Variants in DNAH8 observed in about 807,000 individuals in gnomAD.
DNAH8 encodes dynein axonemal heavy chain 8.
In DNAH8, 382 loss-of-function variants were observed where a neutral mutation model predicts 562.1. The ratio of observed to expected loss-of-function variants is 0.68; its 90% CI spans 0.63 to 0.74. The LOEUF is 0.74. Ranked by LOEUF, DNAH8 falls within the 30% of genes least tolerant of loss-of-function variation. The pLI, the probability that DNAH8 is intolerant of heterozygous loss-of-function variation, is 0.00. For synonymous variants in DNAH8, 1,881 were observed against 1,919.4 expected, an observed-to-expected ratio of 0.98 and a Z score of 0.52; for missense variants, 5,203 against 5,620.4, an observed-to-expected ratio of 0.93 and a Z score of 2.37.
rs200737379 is a variant in DNAH8, at chr6:38,780,009, C to G, written c.2083C>G (p.His695Asp). ...TCCCTGTCTGGGATTAGAAATAAACCACACAATAGAGCGTATTCTTCAGTA... is the reference window on the plus strand; with the variant it reads ...TCCCTGTCTGGGATTAGAAATAAACGACACAATAGAGCGTATTCTTCAGTA... Reference protein sequence around the residue: ...NIPCLGLEINHTIERILQYYV... With the variant: ...NIPCLGLEINDTIERILQYYV... Residue 695 changes from histidine to aspartate, a missense_variant, in exon 15 of 93, where the codon CAC (histidine) becomes GAC (aspartate). His to Asp is a moderately conservative substitution (Grantham distance 81). Around this residue, in one of 6 missense-constraint regions of DNAH8, gnomAD observed 2,176 missense variants for 2,365.1 expected, o/e 0.92. Transcript: ENST00000327475. The G allele has an allele frequency of 1.1e-4, 174 of 1,613,840 alleles. No homozygotes were observed. Among genetic ancestry groups the G allele is most frequent in the Non-Finnish European group, 1.4e-4 (171 of 1,179,964 alleles).
intron 53 of DNAH8, among the ~76,000 whole-genome samples, chr6:38,880,814 A>G (rs1346704506): frequency 6.6e-6 from 1 of 152,162 alleles, no homozygotes; most frequent in Non-Finnish European, 1.5e-5. Flanking sequence ...GATCACTTGA[A>G]GTCAGCACTT....
intron 49 of DNAH8, among the ~76,000 whole-genome samples, chr6:38,871,062 C>G (rs998390803): frequency 6.6e-6 from 1 of 152,216 alleles, no homozygotes; most frequent in African/African-American, 2.4e-5. Flanking sequence ...TGACAACCAT[C>G]TAACCACTTG....
At chr6:38,836,834 T>C (rs1339336691) in intron 32 of DNAH8, among the ~76,000 whole-genome samples, 1 of 152,130 alleles carries the variant, frequency 6.6e-6, no homozygotes, top group African/African-American at 2.4e-5. Context: ...ACAAAGCTGA[T>C]ACTTTATTCC....
In DNAH8 at chr6:38,873,128, G is replaced by T; in HGVS notation, c.7460G>T (p.Ser2487Ile). The T allele has an allele frequency of 6.2e-7, 1 of 1,613,520 alleles. No individual in the cohort carries two copies. Among genetic ancestry groups the T allele is most frequent in the Non-Finnish European group, 8.5e-7 (1 of 1,179,954 alleles). Reference protein sequence around the residue: ...GMVYISSSALSWRPILQAWLK... With the variant: ...GMVYISSSALIWRPILQAWLK... Reference sequence around the variant, plus strand: ...GTCTATATCAGCAGCTCTGCTCTCAGCTGGAGGCCAATCTTACAGGTGGGG... The same window carrying T: ...GTCTATATCAGCAGCTCTGCTCTCATCTGGAGGCCAATCTTACAGGTGGGG... The change falls in exon 51 of 93, where the codon AGC becomes ATC. Residue 2487 changes from serine (S) to isoleucine (I), a missense_variant. Ser to Ile is a moderately radical substitution (Grantham distance 142). Around this residue, in one of 6 missense-constraint regions of DNAH8, gnomAD observed 977 missense variants for 1,061.8 expected, o/e 0.92. Coordinates refer to ENST00000327475, the MANE Select transcript of DNAH8 (RefSeq NM_001206927.2).
chr6:38,724,715 G>A (rs540586002), intron 3 of DNAH8, among the ~76,000 whole-genome samples: 4 of 152,200 alleles, frequency 2.6e-5, no homozygotes, highest in South Asian at 2.1e-4. Flanking sequence ...CTTCCCTCGC[G>A]ATAGCTCTGG....
chr6:38,997,085 C>T (rs980692346), intron 88 of DNAH8, among the ~76,000 whole-genome samples: 1 of 152,052 alleles, frequency 6.6e-6, no homozygotes, highest in Non-Finnish European at 1.5e-5. Context: ...CTCTCTCACC[C>T]ACCCCTGATC....
chr6:38,877,441 A>G (rs980110945), intron 53 of DNAH8, among the ~76,000 whole-genome samples: 11 of 152,354 alleles, frequency 7.2e-5, no homozygotes, highest in African/African-American at 2.2e-4. Flanking sequence ...AAAGGTTGAC[A>G]ACAATCTAGA....
At chr6:38,717,084 C>A (rs144486700) in intron 1 of DNAH8, among the ~76,000 whole-genome samples, 63 of 152,258 alleles carry the variant, frequency 4.1e-4, no homozygotes, top group Admixed American at 2.5e-3. Flanking sequence ...TGATTGTGTA[C>A]GCCTTTAGTC....
intron 91 of DNAH8, among the ~76,000 whole-genome samples, chr6:39,025,212 G>A (rs1767194295): frequency 6.6e-6 from 1 of 152,184 alleles, no homozygotes; most frequent in Non-Finnish European, 1.5e-5. Flanking sequence ...CTCCTATGTA[G>A]CTCTCAAGAG....
rs1782106382 is a variant in DNAH8 at position 38,926,196 on chromosome 6, G to T, written c.11104G>T (p.Glu3702Ter). 6.2e-7 allele frequency: 1 copy of T among 1,613,418 alleles called. No homozygotes were observed. The highest frequency in any genetic ancestry group is 8.5e-7 in the Non-Finnish European group (1 of 1,179,634). Residue 3702 changes from glutamate to a stop codon, truncating the protein, a stop_gained, in exon 74 of 93, where the codon GAA (glutamate) becomes TAA (stop). Coordinates refer to ENST00000327475, the MANE Select transcript of DNAH8 (RefSeq NM_001206927.2). LOFTEE classifies it high-confidence loss of function. The stretch of plus-strand genomic sequence containing the variant: ...AACTTGGATTAAATCAAAGGAAAAA[G>T]AAAATGATTTACAGGTATGTAGCAT... ...GKTWIKSKEK[E>*]NDLQVTSLNH... is the part of the protein sequence containing the mutation.
intron 22 of DNAH8, among the ~76,000 whole-genome samples, 183 bp downstream of exon 22, chr6:38,803,494 C>T (rs143417024): frequency 1.8e-4 from 27 of 152,142 alleles, no homozygotes; most frequent in East Asian, 1.4e-3. Context: ...TTTGTTAGTT[C>T]GGGAATGGTG....
chr6:38,719,809 A>C (rs576486153), intron 1 of DNAH8, among the ~76,000 whole-genome samples: 27 of 152,298 alleles, frequency 1.8e-4, no homozygotes, highest in African/African-American at 5.5e-4. Context: ...GAATGGGCTA[A>C]CCATTAAGCT....
chr6:38,828,287 CTG>C lies in DNAH8; in HGVS notation c.4188+1_4188+2del. ...TCTTTCAACAAATTGCAGAGCAAAG[CTG>C]TAAGTATGAATTTAACTACATTATT... On this transcript the variant is annotated splice_donor_variant and coding_sequence_variant, in exon 30 of 93. Coordinates refer to ENST00000327475, the MANE Select transcript of DNAH8 (RefSeq NM_001206927.2). LOFTEE classifies it high-confidence loss of function. 2 of 1,533,744 alleles carry C rather than the reference CTG, an allele frequency of 1.3e-6. No individual in the cohort carries two copies. Among genetic ancestry groups the C allele is most frequent in the Non-Finnish European group, 1.8e-6 (2 of 1,132,274 alleles).
intron 88 of DNAH8, among the ~76,000 whole-genome samples, chr6:38,997,070 G>A (rs1765183012): frequency 6.6e-6 from 1 of 152,042 alleles, no homozygotes; most frequent in African/African-American, 2.4e-5. Flanking sequence ...GGTCTGCCTT[G>A]GGGTCTCTCT....
At chr6:39,012,066 A>G (rs1766247630) in intron 89 of DNAH8, 149 bp from the exon 90 acceptor site, 1 of 504,138 alleles carries the variant, frequency 2.0e-6, no homozygotes, top group Non-Finnish European at 3.4e-6. Flanking sequence ...TTTAATGGCA[A>G]GTTTGGTTCT....
chr6:38,938,002 T>G lies in DNAH8; in HGVS notation c.11592T>G (p.Ile3864Met). 6.2e-7 allele frequency: 1 copy of G among 1,614,034 alleles called. No individual in the cohort carries two copies. Among genetic ancestry groups the G allele is most frequent in the Non-Finnish European group, 8.5e-7 (1 of 1,179,994 alleles). The change falls in exon 78 of 93, where the codon ATT (isoleucine) becomes ATG (methionine). Residue 3864 changes from isoleucine to methionine, a missense_variant. Ile to Met is a conservative substitution (Grantham distance 10). This residue lies in a region of DNAH8 where 1,399 missense variants were observed against 1,518.4 expected (regional missense o/e 0.92). Coordinates refer to ENST00000327475, the MANE Select transcript of DNAH8 (RefSeq NM_001206927.2). ...KGSLVDDESL[I>M]GVLRTTKQTA... ...CATTGGTAGATGACGAATCTCTCATTGGTGTACTTCGAACTACCAAGCAGA... is the reference window on the plus strand; with the variant it reads ...CATTGGTAGATGACGAATCTCTCATGGGTGTACTTCGAACTACCAAGCAGA...
chr6:38,886,851 C>A lies in DNAH8; in HGVS notation c.8320C>A (p.Pro2774Thr), dbSNP rs144296783. The A allele has an allele frequency of 6.2e-7, 1 of 1,614,068 alleles. No homozygotes were observed. The highest frequency in any genetic ancestry group is 1.1e-5 in the South Asian group (1 of 91,086). ...EMEGMYSLDK[P>T]GDFTTIVDVQ... ...GGAAGGAATGTACAGCTTGGACAAG[C>A]CTGGAGACTTCACTACTATTGTTGA... The change falls in exon 57 of 93, where the codon CCT becomes ACT. Residue 2774 changes from proline to threonine, a missense_variant. Physicochemically the swap from Pro to Thr is conservative, Grantham distance 38. Coordinates refer to ENST00000327475, the MANE Select transcript of DNAH8 (RefSeq NM_001206927.2).
chr6:38,986,328 G>A (rs921120152), intron 87 of DNAH8, among the ~76,000 whole-genome samples: 2 of 152,088 alleles, frequency 1.3e-5, no homozygotes, highest in African/African-American at 4.8e-5. Flanking sequence ...ACAGTGTTGA[G>A]TGCAGAGCTT....
chr6:38,856,749 C>T (rs1467763957), intron 41 of DNAH8, among the ~76,000 whole-genome samples: 1 of 152,110 alleles, frequency 6.6e-6, no homozygotes, highest in Admixed American at 6.5e-5. Context: ...CTGTTGAGCC[C>T]ATGCCAAGCA....
Sources: gnomAD v4.1 joint callset for allele counts (sites outside exome capture counted in the v4.1 genomes callset) on GRCh38, gnomAD v4.1.1 for gene constraint, gnomAD v4.1.1 regional missense constraint, MANE v1.5 for transcripts, NCBI Gene and HGNC (gene_info 2026-07-23, HGNC 2026-07-21) for gene names.